Variants in LRP1 observed in about 807,000 individuals in gnomAD.
LRP1 encodes LDL receptor related protein 1.
LRP1 carries 51 observed loss-of-function variants against 541.5 expected under a neutral mutation model. The observed-to-expected ratio is 0.09, with a 90% CI of 0.08 to 0.12. The LOEUF (loss-of-function observed/expected upper bound fraction) is 0.12. Ranked by LOEUF, LRP1 falls within the 10% of genes least tolerant of loss-of-function variation. The probability of loss-of-function intolerance (pLI) is 1.00; values close to 1 mark genes in which losing one functional copy is unlikely to be tolerated. For synonymous variants in LRP1, 2,219 were observed against 2,470.8 expected (o/e 0.90, Z 3.02); for missense variants, 3,878 against 6,376.2 (o/e 0.61, Z 13.34).
rs2035759409 is a variant in LRP1 at position 57,162,606 on chromosome 12, C to T, written c.2404+88C>T. On this transcript the variant is annotated intron_variant, in intron 14 of 88. Coordinates refer to ENST00000243077, the MANE Select transcript of LRP1 (RefSeq NM_002332.3). The surrounding 1 kb of genome is among the most constrained non-coding windows in gnomAD (Gnocchi z 5.2). ...TTTGAGACTTCCCTGGGAGTGAAGG[C>T]ACTTCCCAGGGATCCTAGGCTCTGA... 1.4e-6 allele frequency: 2 copies of T among 1,444,986 alleles called. No individual in the cohort carries two copies. The highest frequency in any genetic ancestry group is 2.8e-5 in the African/African-American group (2 of 71,578). The allele number at this position is 1,444,986 out of a possible 1,614,324, so 89.5% of individuals were successfully genotyped here.
rs761675765 is a variant in LRP1, at chr12:57,177,081, C to A, written c.4032C>A (p.Ala1344=). The A allele has an allele frequency of 6.2e-7, 1 of 1,614,180 alleles. No homozygotes were observed. Among genetic ancestry groups the A allele is most frequent in the South Asian group, 1.1e-5 (1 of 91,082 alleles). The change falls in exon 25 of 89, where the codon GCC becomes GCA. Residue 1344 remains alanine (A), a synonymous_variant. Transcript: ENST00000243077. The surrounding 1 kb of genome is among the most constrained non-coding windows in gnomAD (Gnocchi z 6.8). ...SFEVVIQYGL[A]TPEGLAVDWI... The stretch of plus-strand genomic sequence containing the variant: ...AGGTGGTGATTCAGTATGGCCTGGC[C>A]ACACCCGAGGGCCTGGCTGTAGACT...
rs1355926279 is a variant in LRP1, at chr12:57,185,109, G to A, written c.6367G>A (p.Gly2123Arg). ...RTHANGSIKR[G>R]SKDNATDSVP... ...TCATGCCAACGGCTCTATCAAGCGC[G>A]GGAGCAAAGACAATGCCACAGACTC... is the stretch of plus-strand genomic sequence containing the variant. The change falls in exon 40 of 89, where the codon GGG becomes AGG. Residue 2123 changes from glycine (G) to arginine (R), a missense_variant. By Grantham distance (125) the Gly-to-Arg change is moderately radical. Transcript: ENST00000243077. This position sits in a 1 kb window ranked among gnomAD's most constrained non-coding sequence, Gnocchi z 4.9. 6.8e-6 allele frequency: 11 copies of A among 1,614,124 alleles called. No individual in the cohort carries two copies. Among genetic ancestry groups the A allele is most frequent in the Admixed American group, 1.7e-5 (1 of 60,014 alleles).
chr12:57,156,374 G>C lies in LRP1; in HGVS notation c.1417+91G>C, dbSNP rs2035620188. On this transcript the variant is annotated intron_variant, in intron 9 of 88. Transcript: ENST00000243077. The surrounding 1 kb of genome is among the most constrained non-coding windows in gnomAD (Gnocchi z 5.2). ...TCACAGCCCCTCTCTGGGCCCTCCT[G>C]TGGGGACCCTGGCTTCTTTCATGTC... 1 of 1,317,266 alleles carries C rather than the reference G, an allele frequency of 7.6e-7. No individual in the cohort carries two copies. The highest frequency in any genetic ancestry group is 1.5e-5 in the African/African-American group (1 of 67,808). The allele number at this position is 1,317,266 out of a possible 1,614,324, so 81.6% of individuals were successfully genotyped here.
At chr12:57,160,832 C>A in intron 12 of LRP1, 61 bp from the exon 13 acceptor site, 1 of 1,342,670 alleles carries the variant, frequency 7.4e-7, no homozygotes. Flanking sequence ...GGATTGGGAT[C>A]ACAGGGGAGG....
At chr12:57,203,667 C>A in intron 70 of LRP1, 146 bp downstream of exon 70, 3 of 1,082,124 alleles carry the variant, frequency 2.8e-6, no homozygotes, top group Non-Finnish European at 3.8e-6. Context: ...CCAGGCACTG[C>A]CATAGGTGTT....
In LRP1 at chr12:57,202,336, G is replaced by A. The variant is rs577407006; in HGVS notation, c.10595-85G>A. On this transcript the variant is annotated intron_variant, in intron 67 of 88. Coordinates refer to ENST00000243077, the MANE Select transcript of LRP1 (RefSeq NM_002332.3). ...CCAAGCTGGGATGCCCACCCTCCCT[G>A]CCAGGCCAGCCTGACCATGCCTGCT... 9.0e-6 allele frequency: 10 copies of A among 1,115,454 alleles called. No homozygotes were observed. In the African/African-American group the frequency reaches 1.2e-4, roughly 14 times the overall value. 69.1% of individuals were successfully genotyped at this position (1,115,454 alleles called of 1,614,324 possible).
At chr12:57,135,558 C>A (rs945553689) in intron 1 of LRP1, among the ~76,000 whole-genome samples, 1 of 152,218 alleles carries the variant, frequency 6.6e-6, no homozygotes, top group Non-Finnish European at 1.5e-5. Flanking sequence ...CCTTCTCGCT[C>A]CAGATTCCTG....
Position 57,128,493 on chromosome 12 carries a change from G to C in LRP1, c.-472G>C, listed in dbSNP as rs966095797. On this transcript the variant is annotated 5_prime_UTR_variant, in exon 1 of 89. Coordinates refer to ENST00000243077, the MANE Select transcript of LRP1 (RefSeq NM_002332.3). ...AGCCCCCCCCTCGGCACTTCAGTCC[G>C]GGGAACAGCGGTGCGAGCTCCAGGC... 5.5e-5 allele frequency: 8 copies of C among 144,272 alleles called. No individual in the cohort carries two copies. The highest frequency in any genetic ancestry group is 6.1e-3 in the Middle Eastern group (2 of 330). 8.9% of individuals were successfully genotyped at this position (144,272 alleles called of 1,614,324 possible). A position where few individuals can be genotyped will look rare whatever the true frequency, so the allele number is the denominator to read the frequency against.
intron 6 of LRP1, among the ~76,000 whole-genome samples, chr12:57,147,064 A>G (rs1319400102): frequency 1.3e-5 from 2 of 150,782 alleles, no homozygotes; most frequent in Non-Finnish European, 3.0e-5. Flanking sequence ...AGAAGCTGGT[A>G]CCCCTCCCTT....
rs1360677006 is a variant in LRP1 at position 57,156,724 on chromosome 12, G to A, written c.1418-53G>A. 6.5e-7 allele frequency: 1 copy of A among 1,542,880 alleles called. No homozygotes were observed. Among genetic ancestry groups the A allele is most frequent in the Non-Finnish European group, 8.8e-7 (1 of 1,137,024 alleles). On this transcript the variant is annotated intron_variant, in intron 9 of 88. Transcript: ENST00000243077. The surrounding 1 kb of genome is among the most constrained non-coding windows in gnomAD (Gnocchi z 5.2). ...GGTCAGATTCAGGAAGCCTTCTCAA[G>A]GCCTGGCACAGGGGCTCTGAGGGGT...
rs1565715595 is a variant in LRP1 at position 57,143,814 on chromosome 12, T to A, written c.448+16T>A. 1 of 1,610,546 alleles carries A rather than the reference T, an allele frequency of 6.2e-7. No individual in the cohort carries two copies. Among genetic ancestry groups the A allele is most frequent in the Non-Finnish European group, 8.5e-7 (1 of 1,177,906 alleles). ...ACCTGCAAAGGTATGTGAGTGCATGTGCCTGTGTGCATGTGTGTGTGCCAG... is the reference window on the plus strand; with the variant it reads ...ACCTGCAAAGGTATGTGAGTGCATGAGCCTGTGTGCATGTGTGTGTGCCAG... On this transcript the variant is annotated intron_variant, in intron 4 of 88. Coordinates refer to ENST00000243077, the MANE Select transcript of LRP1 (RefSeq NM_002332.3).
In LRP1 at chr12:57,154,215, A is replaced by G; in HGVS notation, c.849A>G (p.Glu283=). The G allele has an allele frequency of 6.2e-7, 1 of 1,613,940 alleles. No homozygotes were observed. The highest frequency in any genetic ancestry group is 8.5e-7 in the Non-Finnish European group (1 of 1,179,842). The part of the protein sequence containing the change: ...INISLSLHHV[E]QMAIDWLTGN... ...TTCATTCGTACTCTCCAGACGTGGA[A>G]CAGATGGCCATCGACTGGCTGACAG... Residue 283 remains glutamate, a synonymous_variant, in exon 7 of 89, where the codon GAA becomes GAG. Coordinates refer to ENST00000243077, the MANE Select transcript of LRP1 (RefSeq NM_002332.3). This position sits in a 1 kb window ranked among gnomAD's most constrained non-coding sequence, Gnocchi z 4.6.
intron 12 of LRP1, among the ~76,000 whole-genome samples, chr12:57,160,379 A>G (rs2035703899): frequency 1.3e-5 from 2 of 151,980 alleles, no homozygotes; most frequent in Admixed American, 1.3e-4. Context: ...CTGTTTCTCA[A>G]ACAAGCACCC....
Position 57,184,387 on chromosome 12 carries a change from A to G in LRP1, c.6121A>G (p.Thr2041Ala). 2 of 1,614,220 alleles carry G rather than the reference A, an allele frequency of 1.2e-6. No individual in the cohort carries two copies. Among genetic ancestry groups the G allele is most frequent in the Non-Finnish European group, 1.7e-6 (2 of 1,180,044 alleles). ...TATTGAGCGGTCTCGGCTAGATGGC[A>G]CGGAGCGTGTGGTGCTGGTCAACGT... ...PRIERSRLDG[T>A]ERVVLVNVSI... Residue 2041 changes from threonine (T) to alanine (A), a missense_variant, in exon 38 of 89, where the codon ACG (threonine) becomes GCG (alanine). Coordinates refer to ENST00000243077, the MANE Select transcript of LRP1 (RefSeq NM_002332.3). The surrounding 1 kb of genome is among the most constrained non-coding windows in gnomAD (Gnocchi z 7.8).
chr12:57,209,751 A>G lies in LRP1; in HGVS notation c.12322A>G (p.Ile4108Val), dbSNP rs770195461. ...GGATTACATCTATGGTGTCACCTAC[A>G]TCAATAATCGTGTCTTCAAGATCCA... The part of the protein sequence containing the change: ...FEDYIYGVTY[I>V]NNRVFKIHKF... The change falls in exon 80 of 89, where the codon ATC becomes GTC. Residue 4108 changes from isoleucine (I) to valine (V), a missense_variant. Physicochemically the swap from Ile to Val is conservative, Grantham distance 29. This residue lies in a region of LRP1 where 871 missense variants were observed against 1,212.4 expected (regional missense o/e 0.72). Transcript: ENST00000243077. 1.2e-6 allele frequency: 2 copies of G among 1,614,204 alleles called. No homozygotes were observed. The highest frequency in any genetic ancestry group is 2.7e-5 in the African/African-American group (2 of 75,048).
At position 57,201,533 on chromosome 12, in the gene LRP1, C is replaced by T. The variant is rs1389972224; in HGVS notation, c.10382C>T (p.Ser3461Phe). 6.2e-7 allele frequency: 1 copy of T among 1,614,048 alleles called. No homozygotes were observed. The highest frequency in any genetic ancestry group is 8.5e-7 in the Non-Finnish European group (1 of 1,179,972). The change falls in exon 66 of 89, where the codon TCC (serine) becomes TTC (phenylalanine). Residue 3461 changes from serine (S) to phenylalanine (F), a missense_variant. Ser to Phe is a radical substitution (Grantham distance 155). Around this residue, in one of 13 missense-constraint regions of LRP1, gnomAD observed 278 missense variants for 536.3 expected, o/e 0.52. Coordinates refer to ENST00000243077, the MANE Select transcript of LRP1 (RefSeq NM_002332.3). The surrounding 1 kb of genome is among the most constrained non-coding windows in gnomAD (Gnocchi z 6.4). ...VTCAPNQFQCSITKRCIPRVW... is the reference protein window; with the variant it reads ...VTCAPNQFQCFITKRCIPRVW... ...TGCGCCCCCAACCAGTTCCAGTGCT[C>T]CATTACCAAACGGTGCATCCCCCGG...
Position 57,141,519 on chromosome 12 carries a change from C to G in LRP1, c.328+8C>G. The G allele has an allele frequency of 6.2e-7, 1 of 1,614,176 alleles. No homozygotes were observed. Among genetic ancestry groups the G allele is most frequent in the Admixed American group, 1.7e-5 (1 of 60,028 alleles). ...AGGGGCCCCACTGCCGAGGTAAGGA[C>G]TTTTCCACTCTCTACTCTCCCGTCT... On this transcript the variant is annotated splice_region_variant and intron_variant, in intron 3 of 88. Coordinates refer to ENST00000243077, the MANE Select transcript of LRP1 (RefSeq NM_002332.3).
rs753442564 is a variant in LRP1, at chr12:57,181,172, A to G, written c.5543A>G (p.Asn1848Ser). Residue 1848 changes from asparagine (N) to serine (S), a missense_variant, in exon 34 of 89, where the codon AAC becomes AGC. By Grantham distance (46) the Asn-to-Ser change is conservative. This residue lies in a region of LRP1 where 394 missense variants were observed against 635.9 expected (regional missense o/e 0.62). Transcript: ENST00000243077. The stretch of plus-strand genomic sequence containing the variant: ...CTGCCCCCAGACCATAAGGGCACCA[A>G]CCCCTGCAGTGTCAACAACGGTGAC... ...ESIQLDHKGT[N>S]PCSVNNGDCS... 58 of 1,613,240 alleles carry G rather than the reference A, an allele frequency of 3.6e-5. No homozygotes were observed. Among genetic ancestry groups the G allele is most frequent in the Non-Finnish European group, 4.9e-5 (58 of 1,179,814 alleles).
At chr12:57,141,630 G>C in intron 3 of LRP1, 119 bp downstream of exon 3, 2 of 1,305,740 alleles carry the variant, frequency 1.5e-6, no homozygotes, top group Non-Finnish European at 2.1e-6. Flanking sequence ...CCCCTGCCTA[G>C]ATTTACCTTC....
Sources: gnomAD v4.1 joint callset for allele counts (sites outside exome capture counted in the v4.1 genomes callset) on GRCh38, gnomAD v4.1.1 for gene constraint, gnomAD v4.1.1 regional missense constraint, Gnocchi (gnomAD v3.1) non-coding constraint, MANE v1.5 for transcripts, NCBI Gene and HGNC (gene_info 2026-07-23, HGNC 2026-07-21) for gene names.